The following PRKDC variants were observed in gnomAD, a reference collection of about 807,000 sequenced individuals.
PRKDC encodes DNA-dependent protein kinase catalytic subunit.
A neutral mutation model predicts 486.9 loss-of-function variants in PRKDC; 82 were observed. The observed-to-expected ratio is 0.17, with a 90% CI of 0.14 to 0.20. PRKDC has a LOEUF of 0.20. Ranked by LOEUF, PRKDC falls within the 10% of genes least tolerant of loss-of-function variation. The pLI is 1.00. For missense variants in PRKDC, 4,504 were observed against 5,038.2 expected, an observed-to-expected ratio of 0.89 and a Z score of 3.21; for synonymous variants, 1,895 against 1,837.0, an observed-to-expected ratio of 1.03 and a Z score of -0.81.
chr8:47,957,417 A>C lies in PRKDC; in HGVS notation c.169T>G (p.Leu57Val). The C allele has an allele frequency of 6.3e-7, 1 of 1,584,526 alleles. No individual in the cohort carries two copies. The highest frequency in any genetic ancestry group is 8.6e-7 in the Non-Finnish European group (1 of 1,164,206). The stretch of plus-strand genomic sequence containing the variant: ...AAACCGAAATCTCTGGAAAAAACTA[A>C]AGATGTCTGTAATGCTGTTCAAAAA... The part of the protein sequence containing the change: ...SPAVLALQTS[L>V]VFSRDFGLLV... The change falls in exon 2 of 86, where the codon TTA (leucine) becomes GTA (valine). Residue 57 changes from leucine to valine, a missense_variant. Coordinates refer to ENST00000314191, the MANE Select transcript of PRKDC (RefSeq NM_006904.7).
chr8:47,839,374 A>G, intron 55 of PRKDC, 128 bp from the exon 56 acceptor site: 1 of 689,846 alleles, frequency 1.4e-6, no homozygotes, highest in Non-Finnish European at 2.5e-6. Flanking sequence ...TAGATCTCCA[A>G]ATCACAGCTT....
At position 47,957,282 on chromosome 8, in the gene PRKDC, ATAT is replaced by A. The variant is rs1485251518; in HGVS notation, c.232-22_232-20del. 1.6e-5 allele frequency: 26 copies of A among 1,579,778 alleles called. No homozygotes were observed. The highest frequency in any genetic ancestry group is 2.1e-5 in the Non-Finnish European group (24 of 1,152,890). On this transcript the variant is annotated intron_variant, in intron 2 of 85. Coordinates refer to ENST00000314191, the MANE Select transcript of PRKDC (RefSeq NM_006904.7). ...CACGAAACTGTAATGAAAGAGATACATATTGTAAATATGGGTAAGAGGAGTCAC... is the reference window on the plus strand; with the variant it reads ...CACGAAACTGTAATGAAAGAGATACATGTAAATATGGGTAAGAGGAGTCAC...
chr8:47,888,679 G>T (rs1228226492), intron 33 of PRKDC, 29 bp from the exon 34 acceptor site: 5 of 1,550,526 alleles, frequency 3.2e-6, no homozygotes, highest in Middle Eastern at 1.7e-4. Flanking sequence ...AGTAAATTAG[G>T]TGAGCTCTGA....
intron 65 of PRKDC, 39 bp from the exon 66 acceptor site, chr8:47,820,982 C>A: frequency 7.8e-7 from 1 of 1,275,336 alleles, no homozygotes; most frequent in Non-Finnish European, 1.1e-6. Flanking sequence ...TACAGAAGGC[C>A]AATTTGAGTA....
At chr8:47,866,321 G>A (rs967680170) in intron 40 of PRKDC, among the ~76,000 whole-genome samples, 2 of 152,138 alleles carry the variant, frequency 1.3e-5, no homozygotes, top group African/African-American at 4.8e-5. Flanking sequence ...CCAGAACCAT[G>A]AGAAATACTT....
rs1001246819 is a variant in PRKDC at position 47,817,474 on chromosome 8, A to G, written c.9533T>C (p.Ile3178Thr). ...CCGATTTGTGATGATGTCATCCCAG[A>G]TGTTCATTGGGTCCATTTTAGCATC... ...YPDAKMDPMNIWDDIITNRCF... is the reference protein window; with the variant it reads ...YPDAKMDPMNTWDDIITNRCF... Residue 3178 changes from isoleucine (I) to threonine (T), a missense_variant, in exon 68 of 86, where the codon ATC becomes ACC. Transcript: ENST00000314191. 1.2e-6 allele frequency: 2 copies of G among 1,604,712 alleles called. No homozygotes were observed. Among genetic ancestry groups the G allele is most frequent in the South Asian group, 2.2e-5 (2 of 89,364 alleles).
intron 25 of PRKDC, among the ~76,000 whole-genome samples, chr8:47,911,581 C>G (rs552086316): frequency 2.0e-5 from 3 of 152,242 alleles, no homozygotes; most frequent in East Asian, 1.9e-4. Flanking sequence ...AATTTTCCAG[C>G]TGCATTTTGA....
At chr8:47,913,775 C>T (rs537336768) in intron 24 of PRKDC, 126 bp downstream of exon 24, 30 of 923,916 alleles carry the variant, frequency 3.2e-5, no homozygotes, top group Admixed American at 6.6e-5. Flanking sequence ...TTTCTAATTA[C>T]TATATTACAG....
At chr8:47,853,085 A>G (rs777891689) in intron 51 of PRKDC, among the ~76,000 whole-genome samples, 3 of 152,248 alleles carry the variant, frequency 2.0e-5, no homozygotes, top group Non-Finnish European at 2.9e-5. Flanking sequence ...GCTACTATCC[A>G]AGATCACGGG....
chr8:47,904,767 TG>T, intron 26 of PRKDC, 101 bp downstream of exon 26: 1 of 912,358 alleles, frequency 1.1e-6, no homozygotes, highest in Non-Finnish European at 1.6e-6. Context: ...CATTCCAGCC[TG>T]GGCGACGGAG....
chr8:47,904,231 A>G (rs1470177214), intron 26 of PRKDC, among the ~76,000 whole-genome samples: 2 of 152,082 alleles, frequency 1.3e-5, no homozygotes, highest in Non-Finnish European at 2.9e-5. Flanking sequence ...AGTATAGGAG[A>G]AAATTGGATA....
rs778580500 is a variant in PRKDC, at chr8:47,960,122, G to T, written c.5C>A (p.Ala2Glu). 1.9e-5 allele frequency: 28 copies of T among 1,498,138 alleles called. 1 individual carries two copies. In the South Asian group the frequency reaches 3.2e-4, roughly 17 times the overall value. The allele number at this position is 1,498,138 out of a possible 1,614,324, so 92.8% of individuals were successfully genotyped here. A position where few individuals can be genotyped will look rare whatever the true frequency, so the allele number is the denominator to read the frequency against. M[A>E]GSGAGVRCSL... is the part of the protein sequence containing the mutation. ...GCAACGCACACCGGCTCCGGAGCCC[G>T]CCATGCCGCCGAGTCCCGCTCCCGC... The change falls in exon 1 of 86, where the codon GCG (alanine) becomes GAG (glutamate). Residue 2 changes from alanine (A) to glutamate (E), a missense_variant. By Grantham distance (107) the Ala-to-Glu change is moderately radical. Coordinates refer to ENST00000314191, the MANE Select transcript of PRKDC (RefSeq NM_006904.7).
chr8:47,845,382 C>T (rs915364633), intron 54 of PRKDC, among the ~76,000 whole-genome samples: 3 of 152,078 alleles, frequency 2.0e-5, no homozygotes, highest in Non-Finnish European at 4.4e-5. Context: ...AGATAGACCA[C>T]AAGCTAGATC....
chr8:47,926,502 C>T (rs948198300), intron 21 of PRKDC, among the ~76,000 whole-genome samples: 3 of 152,122 alleles, frequency 2.0e-5, no homozygotes, highest in African/African-American at 7.2e-5. Context: ...TAAATTAATA[C>T]TTGACTTCTA....
intron 25 of PRKDC, among the ~76,000 whole-genome samples, chr8:47,908,402 T>C (rs923776816): frequency 3.9e-5 from 6 of 152,200 alleles, no homozygotes; most frequent in African/African-American, 1.4e-4. Context: ...ACAATGTTGG[T>C]TTTGTGCCAT....
chr8:47,778,621 G>C lies in PRKDC; in HGVS notation c.11691C>G (p.Phe3897Leu). The C allele has an allele frequency of 2.5e-6, 4 of 1,613,690 alleles. No homozygotes were observed. The highest frequency in any genetic ancestry group is 3.4e-6 in the Non-Finnish European group (4 of 1,179,750). Residue 3897 changes from phenylalanine to leucine, a missense_variant, in exon 83 of 86, where the codon TTC becomes TTG. By Grantham distance (22) the Phe-to-Leu change is conservative. Around this residue, in one of 6 missense-constraint regions of PRKDC, gnomAD observed 706 missense variants for 945.0 expected, o/e 0.75. Transcript: ENST00000314191. ...TGGCGAAGTGGGAGCGGAGCGCCAG[G>C]AAAGCCTCAGGGCTTGTACTCATCC... ...FVRMSTSPEAFLALRSHFASS... is the reference protein window; with the variant it reads ...FVRMSTSPEALLALRSHFASS...
chr8:47,854,286 G>A (rs1398407500), intron 50 of PRKDC, 72 bp from the exon 51 acceptor site: 2 of 1,547,102 alleles, frequency 1.3e-6, no homozygotes, highest in African/African-American at 1.4e-5. Flanking sequence ...GACAAATACA[G>A]AATTTTATTT....
chr8:47,807,343 G>A lies in PRKDC; in HGVS notation c.9558-17C>T, dbSNP rs923291634. 22 of 1,521,732 alleles carry A rather than the reference G, an allele frequency of 1.4e-5. No individual in the cohort carries two copies. The Middle Eastern group carries it at 1.2e-3, about 80-fold the overall frequency. The allele number at this position is 1,521,732 out of a possible 1,614,324, so 94.3% of individuals were successfully genotyped here. On this transcript the variant is annotated splice_polypyrimidine_tract_variant and intron_variant, in intron 68 of 85. Coordinates refer to ENST00000314191, the MANE Select transcript of PRKDC (RefSeq NM_006904.7). ...AAGAAACATCTACACAAAGAAAAAT[G>A]AGACAATGTCACAGACTCAGGAATA... is the stretch of plus-strand genomic sequence containing the variant.
chr8:47,861,321 T>C (rs1018433965), intron 44 of PRKDC, among the ~76,000 whole-genome samples: 1 of 152,234 alleles, frequency 6.6e-6, no homozygotes, highest in African/African-American at 2.4e-5. Flanking sequence ...TCATAGTGCT[T>C]GTAATTGTTG....
Sources: gnomAD v4.1 joint callset for allele counts (sites outside exome capture counted in the v4.1 genomes callset) on GRCh38, gnomAD v4.1.1 for gene constraint, gnomAD v4.1.1 regional missense constraint, MANE v1.5 for transcripts, NCBI Gene and HGNC (gene_info 2026-07-23, HGNC 2026-07-21) for gene names.